The following SAMD5 variants were observed in gnomAD, a reference collection of about 807,000 sequenced individuals.
The protein encoded by SAMD5 is sterile alpha motif domain containing 5, also known as sterile alpha motif domain-containing protein 5.
A neutral mutation model predicts 11.3 loss-of-function variants in SAMD5; 13 were observed. The ratio of observed to expected loss-of-function variants is 1.15; its 90% confidence interval spans 0.75 to 1.83. The LOEUF (loss-of-function observed/expected upper bound fraction) is 1.83. Ranked by LOEUF, SAMD5 falls within the 40% of genes most tolerant of loss-of-function variation. SAMD5 has a pLI of 0.00. For synonymous variants in SAMD5, 129 were observed against 111.3 expected (o/e 1.16, Z -1.00); for missense variants, 255 against 239.1 (o/e 1.07, Z -0.44).
At chr6:147,764,369 A>G in the SAMD5 span, among the ~76,000 whole-genome samples, 1 of 152,200 alleles carries the variant, frequency 6.6e-6, no homozygotes, top group African/African-American at 2.4e-5. Context: ...TTGAATTCTT[A>G]CAACAAATAA....
At chr6:147,892,110 G>A in the SAMD5 span, among the ~76,000 whole-genome samples, 3 of 152,276 alleles carry the variant, frequency 2.0e-5, no homozygotes, top group South Asian at 6.2e-4. Flanking sequence ...TCCTGAAACC[G>A]TCCTTCCTCT....
the SAMD5 span, among the ~76,000 whole-genome samples, chr6:147,894,176 T>G: frequency 1.3e-5 from 2 of 149,904 alleles, no homozygotes; most frequent in East Asian, 3.9e-4. Flanking sequence ...CAGGCTGGAG[T>G]GCAGTGGCAC....
chr6:147,678,172 C>T (rs1253158193), intron 1 of SAMD5, among the ~76,000 whole-genome samples: 1 of 152,142 alleles, frequency 6.6e-6, no homozygotes, highest in Admixed American at 6.6e-5. Context: ...CTTATCTTCT[C>T]GTTTGCACAT....
intron 1 of SAMD5, among the ~76,000 whole-genome samples, chr6:147,590,273 C>A (rs58328253): frequency 0.027 from 4,169 of 152,216 alleles, 148 homozygotes; most frequent in African/African-American, 0.087. Flanking sequence ...ATACCTATCT[C>A]CACAAAGGAA....
At chr6:147,854,759 G>T in the SAMD5 span, among the ~76,000 whole-genome samples, 2 of 151,976 alleles carry the variant, frequency 1.3e-5, no homozygotes, top group Non-Finnish European at 2.9e-5. Context: ...AAGCAGAAAA[G>T]AATTAAAACA....
chr6:147,583,905 A>G (rs1789337431), intron 1 of SAMD5, among the ~76,000 whole-genome samples: 3 of 152,126 alleles, frequency 2.0e-5, no homozygotes, highest in Non-Finnish European at 4.4e-5. Flanking sequence ...CTCTTTGACA[A>G]ATACATGATA....
chr6:147,705,088 G>T (rs1486132719), intron 1 of SAMD5, among the ~76,000 whole-genome samples: 1 of 152,198 alleles, frequency 6.6e-6, no homozygotes, highest in Non-Finnish European at 1.5e-5. Context: ...TAAGGTAGAG[G>T]CGAACCTTGT....
the SAMD5 span, among the ~76,000 whole-genome samples, chr6:147,841,385 T>G: frequency 6.6e-6 from 1 of 152,140 alleles, no homozygotes; most frequent in Non-Finnish European, 1.5e-5. Context: ...TAAAATAAAA[T>G]AAAACCATGC....
chr6:147,837,847 C>T, the SAMD5 span, among the ~76,000 whole-genome samples: 1 of 152,176 alleles, frequency 6.6e-6, no homozygotes, highest in Non-Finnish European at 1.5e-5. Flanking sequence ...AACTAAAATA[C>T]TCGACTCAAA....
At chr6:147,615,245 A>G (rs1397531606) in intron 1 of SAMD5, among the ~76,000 whole-genome samples, 3 of 152,232 alleles carry the variant, frequency 2.0e-5, no homozygotes, top group Non-Finnish European at 2.9e-5. Flanking sequence ...GTAGAACAGT[A>G]CATTTAAAAT....
At chr6:147,850,993 C>T in the SAMD5 span, among the ~76,000 whole-genome samples, 5 of 144,108 alleles carry the variant, frequency 3.5e-5, no homozygotes, top group African/African-American at 1.3e-4. Flanking sequence ...GTTTCCCAGT[C>T]TGCAGTGCAG....
At chr6:147,619,168 G>A (rs1357342560) in intron 1 of SAMD5, among the ~76,000 whole-genome samples, 3 of 152,210 alleles carry the variant, frequency 2.0e-5, no homozygotes, top group Non-Finnish European at 4.4e-5. Flanking sequence ...GGGCAGGGCC[G>A]TGACGTGCAC....
At chr6:147,584,296 C>T (rs1789343098) in intron 1 of SAMD5, among the ~76,000 whole-genome samples, 1 of 152,162 alleles carries the variant, frequency 6.6e-6, no homozygotes, top group Non-Finnish European at 1.5e-5. Context: ...GTTAACCAAG[C>T]ACTTGCTTTT....
intron 1 of SAMD5, among the ~76,000 whole-genome samples, chr6:147,680,947 T>C (rs1293183386): frequency 6.6e-6 from 1 of 152,170 alleles, no homozygotes; most frequent in Non-Finnish European, 1.5e-5. Context: ...GATATTGATC[T>C]TTAGTTTTCT....
the SAMD5 span, among the ~76,000 whole-genome samples, chr6:147,758,940 A>C: frequency 6.6e-6 from 1 of 152,168 alleles, no homozygotes; most frequent in Non-Finnish European, 1.5e-5. Flanking sequence ...ATTATTTCTA[A>C]TACTTTTAGT....
At chr6:147,919,193 C>CT in the SAMD5 span, among the ~76,000 whole-genome samples, 1 of 152,142 alleles carries the variant, frequency 6.6e-6, no homozygotes, top group Non-Finnish European at 1.5e-5. Flanking sequence ...AGGCATAGCA[C>CT]TTTAAGAAGC....
At chr6:147,773,644 G>A in the SAMD5 span, among the ~76,000 whole-genome samples, 1 of 152,140 alleles carries the variant, frequency 6.6e-6, no homozygotes, top group Non-Finnish European at 1.5e-5. Flanking sequence ...AAGCTCTTTA[G>A]TGCCTCTTTT....
chr6:147,620,334 C>T (rs144207081), intron 1 of SAMD5, among the ~76,000 whole-genome samples: 22 of 152,330 alleles, frequency 1.4e-4, no homozygotes, highest in Admixed American at 3.3e-4. Flanking sequence ...GCCTTACTCC[C>T]GTACGACCCC....
At chr6:147,735,458 T>A (rs1272123622) in intron 1 of SAMD5, among the ~76,000 whole-genome samples, 1 of 152,184 alleles carries the variant, frequency 6.6e-6, no homozygotes, top group African/African-American at 2.4e-5. Context: ...TAAGTATTAC[T>A]AATGAATTGT....
Sources: gnomAD v4.1 joint callset for allele counts (sites outside exome capture counted in the v4.1 genomes callset) on GRCh38, gnomAD v4.1.1 for gene constraint, MANE v1.5 for transcripts, NCBI Gene and HGNC (gene_info 2026-07-23, HGNC 2026-07-21) for gene names.